The following MYOF variants were observed in gnomAD, a reference collection of about 807,000 sequenced individuals.
The protein encoded by MYOF is myoferlin.
In MYOF, 244 loss-of-function variants were observed where a neutral mutation model predicts 284.2. That is an observed-to-expected ratio of 0.86 (90% confidence interval 0.77 to 0.95). The LOEUF is 0.95. MYOF is among the 40% of genes least tolerant of loss of function. The pLI, the probability that MYOF is intolerant of heterozygous loss-of-function variation, is 0.00. For synonymous variants in MYOF, 904 were observed against 919.7 expected, an observed-to-expected ratio of 0.98 and a Z score of 0.31; for missense variants, 2,496 against 2,560.6, an observed-to-expected ratio of 0.97 and a Z score of 0.54.
intron 38 of MYOF, among the ~76,000 whole-genome samples, chr10:93,340,471 G>A (rs1843847354): frequency 6.6e-6 from 1 of 152,156 alleles, no homozygotes; most frequent in South Asian, 2.1e-4. Flanking sequence ...GATGGAGTTA[G>A]ACATTTCCCA....
chr10:93,381,519 T>A, intron 19 of MYOF, 123 bp from the exon 20 acceptor site: 2 of 1,017,160 alleles, frequency 2.0e-6, no homozygotes, highest in Non-Finnish European at 2.9e-6. Context: ...CAGGGGAGAA[T>A]GTTCTTGGAC....
At chr10:93,379,076 C>G (rs1256174224) in intron 21 of MYOF, among the ~76,000 whole-genome samples, 2 of 152,048 alleles carry the variant, frequency 1.3e-5, no homozygotes, top group African/African-American at 4.8e-5. Flanking sequence ...CTTCTCCTCA[C>G]CAATCTAGTT....
intron 3 of MYOF, among the ~76,000 whole-genome samples, chr10:93,451,437 A>G (rs2056587806): frequency 6.6e-6 from 1 of 152,178 alleles, no homozygotes; most frequent in South Asian, 2.1e-4. Context: ...GGGTGAATTT[A>G]TTAATACTAA....
intron 3 of MYOF, among the ~76,000 whole-genome samples, chr10:93,436,106 G>A (rs1849106921): frequency 6.6e-6 from 1 of 151,960 alleles, no homozygotes; most frequent in African/African-American, 2.4e-5. Flanking sequence ...AGGAGAGAAG[G>A]TTAGGCCAAT....
rs1378885275 is a variant in MYOF at position 93,467,419 on chromosome 10, TG to T, written c.89-10483del. 3.3e-4 allele frequency among the ~76,000 whole-genome samples: 4 copies of T among 12,216 alleles called. No homozygotes were observed. In the South Asian group the frequency reaches 0.21, roughly 654 times the overall value. The allele number at this position is 12,216 out of a possible 152,430, so 8.0% of individuals were successfully genotyped here. A position where few individuals can be genotyped will look rare whatever the true frequency, so the allele number is the denominator to read the frequency against. On this transcript the variant is annotated intron_variant, in intron 1 of 53. Coordinates refer to ENST00000359263, the MANE Select transcript of MYOF (RefSeq NM_013451.4). ...CCTATGAGTGAGAACATGCAGTGTT[TG>T]GTTTTTTTGTCCTTGCGATAGTTTG... is the stretch of plus-strand genomic sequence containing the variant.
intron 1 of MYOF, among the ~76,000 whole-genome samples, chr10:93,471,717 C>A (rs2057150513): frequency 6.6e-6 from 1 of 152,112 alleles, no homozygotes; most frequent in South Asian, 2.1e-4. Flanking sequence ...GGCAAAACCC[C>A]TTCTCTACTA....
intron 23 of MYOF, 93 bp downstream of exon 23, chr10:93,374,670 A>G: frequency 7.8e-7 from 1 of 1,290,206 alleles, no homozygotes; most frequent in Non-Finnish European, 1.1e-6. Context: ...AAGATAATGT[A>G]GTAGATTCTC....
intron 5 of MYOF, among the ~76,000 whole-genome samples, chr10:93,425,455 GC>G (rs921076947): frequency 2.1e-4 from 32 of 152,256 alleles, no homozygotes; most frequent in African/African-American, 7.7e-4. Flanking sequence ...CCCTCCCTGA[GC>G]CCTCAGCCCC....
chr10:93,323,310 G>A lies in MYOF; in HGVS notation c.5320C>T (p.Pro1774Ser), dbSNP rs1254842566. Residue 1774 changes from proline to serine, a missense_variant, in exon 47 of 54, where the codon CCA (proline) becomes TCA (serine). Pro to Ser is a moderately conservative substitution (Grantham distance 74). Around this residue, in one of 3 missense-constraint regions of MYOF, gnomAD observed 2,436 missense variants for 2,480.7 expected, o/e 0.98. Coordinates refer to ENST00000359263, the MANE Select transcript of MYOF (RefSeq NM_013451.4). Reference sequence around the variant, plus strand: ...GGTGTGATGTTGAAAGGAGGGCCTGGTGGCCCCAAACTCTTGGGGAAAACA... The same window carrying A: ...GGTGTGATGTTGAAAGGAGGGCCTGATGGCCCCAAACTCTTGGGGAAAACA... ...VDVFPKSLGP[P>S]GPPFNITPRK... 1 of 1,614,052 alleles carries A rather than the reference G, an allele frequency of 6.2e-7. No homozygotes were observed. The highest frequency in any genetic ancestry group is 1.1e-5 in the South Asian group (1 of 91,082).
chr10:93,312,502 C>T (rs993960248), intron 51 of MYOF, among the ~76,000 whole-genome samples: 3 of 152,090 alleles, frequency 2.0e-5, no homozygotes, highest in South Asian at 4.2e-4. Flanking sequence ...TGCACCACCA[C>T]TACTGGCTAT....
intron 4 of MYOF, 137 bp from the exon 5 acceptor site, chr10:93,426,295 C>A: frequency 1.3e-6 from 1 of 796,650 alleles, no homozygotes; most frequent in Admixed American, 2.6e-5. Flanking sequence ...AGGCTGGAAA[C>A]GGGGAGAGGG....
rs536995243 is a variant in MYOF at position 93,373,588 on chromosome 10, C to T, written c.2302-503G>A. On this transcript the variant is annotated intron_variant, in intron 23 of 53. Coordinates refer to ENST00000359263, the MANE Select transcript of MYOF (RefSeq NM_013451.4). ...ATATGCAAATGTCCCTATTGGCACA[C>T]AGTGGTATAAAAAAACTGCCTAAGT... Among the ~76,000 whole-genome samples, 614 of 134,886 alleles carry T rather than the reference C, an allele frequency of 4.6e-3. 5 individuals are homozygous for T. The highest frequency in any genetic ancestry group is 0.016 in the African/African-American group (588 of 36,842). The allele number at this position is 134,886 out of a possible 152,430, so 88.5% of individuals were successfully genotyped here.
At chr10:93,308,068 C>A (rs1228040103) in intron 53 of MYOF, among the ~76,000 whole-genome samples, 1 of 149,486 alleles carries the variant, frequency 6.7e-6, no homozygotes, top group Non-Finnish European at 1.5e-5. Flanking sequence ...CATGGTGAAA[C>A]CCCGTCTCTA....
chr10:93,421,642 G>C (rs1848361649), intron 5 of MYOF, among the ~76,000 whole-genome samples: 1 of 152,154 alleles, frequency 6.6e-6, no homozygotes, highest in Non-Finnish European at 1.5e-5. Context: ...GTTTAAAAGA[G>C]AGTGGCACCC....
intron 10 of MYOF, among the ~76,000 whole-genome samples, 167 bp downstream of exon 10, chr10:93,402,693 T>G (rs1028387189): frequency 6.6e-6 from 1 of 152,252 alleles, no homozygotes; most frequent in Non-Finnish European, 1.5e-5. Context: ...TGTTATTTAT[T>G]CCCACTAAGT....
At chr10:93,369,623 A>T in intron 25 of MYOF, 22 bp downstream of exon 25, 1 of 1,613,676 alleles carries the variant, frequency 6.2e-7, no homozygotes, top group Non-Finnish European at 8.5e-7. Context: ...AGAAGAAAAG[A>T]TAGTGAAATC....
intron 35 of MYOF, among the ~76,000 whole-genome samples, chr10:93,350,871 C>A (rs1404180817): frequency 2.0e-5 from 3 of 152,136 alleles, no homozygotes; most frequent in Non-Finnish European, 4.4e-5. Flanking sequence ...CCCTGCCATG[C>A]CCCCATCTCT....
At chr10:93,413,456 C>G (rs904262827) in intron 5 of MYOF, among the ~76,000 whole-genome samples, 2 of 152,220 alleles carry the variant, frequency 1.3e-5, no homozygotes, top group African/African-American at 2.4e-5. Flanking sequence ...TAAACACACC[C>G]TGATGTGCAA....
At chr10:93,321,946 T>A (rs1038228636) in intron 48 of MYOF, among the ~76,000 whole-genome samples, 7 of 152,072 alleles carry the variant, frequency 4.6e-5, no homozygotes, top group African/African-American at 1.7e-4. Flanking sequence ...CTTTATTCTC[T>A]GATTAGAGGA....
Sources: allele counts gnomAD v4.1 joint callset (sites outside exome capture counted in the v4.1 genomes callset), GRCh38; gene constraint gnomAD v4.1.1; regional missense constraint gnomAD v4.1.1; transcripts MANE v1.5; gene names NCBI Gene and HGNC (gene_info 2026-07-23, HGNC 2026-07-21).